MCTP1: variants seen among roughly 807,000 people sequenced by gnomAD.
MCTP1 encodes the protein multiple C2 and transmembrane domain containing 1, also known as multiple C2 and transmembrane domain-containing protein 1.
Under a neutral mutation model 120.6 loss-of-function variants are expected in MCTP1, and 69 were observed. The ratio of observed to expected loss-of-function variants is 0.57; its 90% CI spans 0.47 to 0.70. The LOEUF is 0.70. Among genes scored for constraint, MCTP1 ranks in the 30% least tolerant of loss-of-function variants. The pLI is 0.00. For synonymous variants in MCTP1, 529 were observed against 493.1 expected, an observed-to-expected ratio of 1.07 and a Z score of -0.96; for missense variants, 1,203 against 1,248.8, an observed-to-expected ratio of 0.96 and a Z score of 0.55.
At chr5:94,752,486 A>C (rs180912828) in intron 19 of MCTP1, among the ~76,000 whole-genome samples, 83 of 152,248 alleles carry the variant, frequency 5.5e-4, no homozygotes, top group Non-Finnish European at 9.0e-4. Context: ...TGAAGCTAAA[A>C]TTCTCAAACT....
intron 1 of MCTP1, among the ~76,000 whole-genome samples, chr5:95,212,864 C>A (rs1324373348): frequency 1.3e-5 from 2 of 152,098 alleles, no homozygotes; most frequent in Non-Finnish European, 2.9e-5. Flanking sequence ...GGACGTATCT[C>A]AAAATAATAA....
At chr5:95,215,321 AT>A (rs1339491267) in intron 1 of MCTP1, among the ~76,000 whole-genome samples, 2 of 152,270 alleles carry the variant, frequency 1.3e-5, no homozygotes, top group African/African-American at 4.8e-5. Context: ...ATATGAATAG[AT>A]TTGAAAATTA....
intron 19 of MCTP1, among the ~76,000 whole-genome samples, chr5:94,759,189 T>A (rs17390854): frequency 0.038 from 5,816 of 152,276 alleles, 128 homozygotes; most frequent in Middle Eastern, 0.054. Flanking sequence ...AGACAAGGCA[T>A]ATCTATCAAA....
chr5:95,243,478 T>C (rs1025191243), intron 1 of MCTP1, among the ~76,000 whole-genome samples: 1 of 152,070 alleles, frequency 6.6e-6, no homozygotes, highest in African/African-American at 2.4e-5. Context: ...TCTGAGGAAG[T>C]AGTGTTGAGA....
At chr5:94,763,084 T>C (rs942530832) in intron 19 of MCTP1, among the ~76,000 whole-genome samples, 11 of 152,172 alleles carry the variant, frequency 7.2e-5, no homozygotes, top group Non-Finnish European at 1.3e-4. Flanking sequence ...CTCAAATTTG[T>C]TTCTTTCTAT....
chr5:95,145,819 A>G (rs962494803), intron 1 of MCTP1, among the ~76,000 whole-genome samples: 2 of 152,070 alleles, frequency 1.3e-5, no homozygotes, highest in Non-Finnish European at 2.9e-5. Context: ...TTTTGTGTCT[A>G]TGTTCATCAG....
chr5:94,850,278 C>G (rs904734961), intron 17 of MCTP1, among the ~76,000 whole-genome samples: 4 of 152,124 alleles, frequency 2.6e-5, no homozygotes, highest in Admixed American at 6.6e-5. Context: ...TGAGCAAAAT[C>G]GTGAACTTTA....
intron 1 of MCTP1, among the ~76,000 whole-genome samples, chr5:95,044,196 C>CGG (rs1406245325): frequency 6.6e-6 from 1 of 152,102 alleles, no homozygotes. Context: ...AAGTTAAGTC[C>CGG]ACAGAAAGGG....
At chr5:94,900,308 C>T (rs1015357193) in intron 10 of MCTP1, among the ~76,000 whole-genome samples, 1 of 152,208 alleles carries the variant, frequency 6.6e-6, no homozygotes, top group Non-Finnish European at 1.5e-5. Context: ...TGAAATGCCT[C>T]AAGGGCAGGA....
chr5:95,160,112 G>A (rs1187434476), intron 1 of MCTP1, among the ~76,000 whole-genome samples: 1 of 152,136 alleles, frequency 6.6e-6, no homozygotes. Flanking sequence ...AAATTTTGAT[G>A]CCCTCTTGTG....
chr5:95,090,647 C>T (rs1193238945), intron 1 of MCTP1, among the ~76,000 whole-genome samples: 1 of 152,084 alleles, frequency 6.6e-6, no homozygotes, highest in Admixed American at 6.6e-5. Context: ...ACCAGATTTT[C>T]TAATTTTCAA....
chr5:94,997,267 G>A (rs1274725216), intron 2 of MCTP1, among the ~76,000 whole-genome samples: 1 of 152,104 alleles, frequency 6.6e-6, no homozygotes, highest in Non-Finnish European at 1.5e-5. Flanking sequence ...ACAAGTGTAG[G>A]AAAGAGCTCT....
chr5:94,738,378 C>G (rs2152738264), intron 19 of MCTP1, among the ~76,000 whole-genome samples: 1 of 152,198 alleles, frequency 6.6e-6, no homozygotes, highest in Non-Finnish European at 1.5e-5. Flanking sequence ...GTTTGCAATA[C>G]ATTCAGTAGA....
intron 2 of MCTP1, among the ~76,000 whole-genome samples, chr5:94,987,802 A>C (rs73138010): frequency 0.13 from 20,147 of 152,202 alleles, 2,304 homozygotes; most frequent in African/African-American, 0.31. Flanking sequence ...AGTAAAATGC[A>C]TGATTTGATG....
chr5:95,221,029 A>G (rs542185976), intron 1 of MCTP1, among the ~76,000 whole-genome samples: 1 of 152,340 alleles, frequency 6.6e-6, no homozygotes, highest in South Asian at 2.1e-4. Flanking sequence ...CATTTCTAAC[A>G]TTATGGGAAA....
At chr5:95,102,164 G>A (rs554633741) in intron 1 of MCTP1, among the ~76,000 whole-genome samples, 49 of 152,252 alleles carry the variant, frequency 3.2e-4, no homozygotes, top group African/African-American at 1.0e-3. Context: ...AAGTAATACT[G>A]TGCTAGTTCC....
At chr5:94,881,546 C>T (rs1218487294) in intron 12 of MCTP1, among the ~76,000 whole-genome samples, 3 of 151,978 alleles carry the variant, frequency 2.0e-5, no homozygotes, top group South Asian at 2.1e-4. Context: ...ACAAATATGT[C>T]GGTGGCTTTT....
intron 1 of MCTP1, among the ~76,000 whole-genome samples, chr5:95,231,716 T>C (rs1455899945): frequency 6.6e-6 from 1 of 152,188 alleles, no homozygotes; most frequent in East Asian, 1.9e-4. Flanking sequence ...ATGTTCTTAT[T>C]ATTTATATAT....
intron 1 of MCTP1, among the ~76,000 whole-genome samples, chr5:95,248,278 C>T (rs926678788): frequency 2.6e-5 from 4 of 152,138 alleles, no homozygotes; most frequent in East Asian, 1.9e-4. Flanking sequence ...AAAACCCCAT[C>T]GTCTCAGCCC....
Sources: allele counts gnomAD v4.1 joint callset (sites outside exome capture counted in the v4.1 genomes callset), GRCh38; gene constraint gnomAD v4.1.1; transcripts MANE v1.5; gene names NCBI Gene and HGNC (gene_info 2026-07-23, HGNC 2026-07-21).